The following CNTNAP4 variants were observed in gnomAD, a reference collection of about 807,000 sequenced individuals.
CNTNAP4 encodes contactin associated protein family member 4, also known as contactin-associated protein-like 4.
In CNTNAP4, 98 loss-of-function variants were observed where a neutral mutation model predicts 148.4. That is an observed-to-expected ratio of 0.66 (90% CI 0.56 to 0.78). The LOEUF (loss-of-function observed/expected upper bound fraction) is 0.78, where lower values mean the gene tolerates loss of function less well. Among genes scored for constraint, CNTNAP4 ranks in the 30% least tolerant of loss-of-function variants. CNTNAP4 has a pLI of 0.00. For synonymous variants in CNTNAP4, 730 were observed against 565.1 expected (o/e 1.29, Z -4.14); for missense variants, 1,935 against 1,565.6 (o/e 1.24, Z -3.98).
intron 12 of CNTNAP4, among the ~76,000 whole-genome samples, chr16:76,481,008 C>T (rs1044488435): frequency 6.6e-6 from 1 of 152,112 alleles, no homozygotes; most frequent in Non-Finnish European, 1.5e-5. Context: ...TACTGATTGG[C>T]TACGTAAAGC....
chr16:76,479,421 A>G lies in CNTNAP4; in HGVS notation c.1765A>G (p.Ile589Val), dbSNP rs1568338468. ...AATGATGATTTTTTTTCTTAAAGCT[A>G]TCTATGAGCAGTCATGTGAAGCCTA... ...GYRGATCHNS[I>V]YEQSCEAYKH... The change falls in exon 12 of 24, where the codon ATC (isoleucine) becomes GTC (valine). Residue 589 changes from isoleucine to valine, a missense_variant and splice_region_variant. By Grantham distance (29) the Ile-to-Val change is conservative (BLOSUM62 3). Transcript: ENST00000611870. The G allele has an allele frequency of 4.4e-6, 7 of 1,590,184 alleles. No individual in the cohort carries two copies. The highest frequency in any genetic ancestry group is 6.0e-6 in the Non-Finnish European group (7 of 1,169,426).
At position 76,452,689 on chromosome 16, in the gene CNTNAP4, G is replaced by C. The variant is rs780366753; in HGVS notation, c.1253G>C (p.Gly418Ala). The C allele has an allele frequency of 6.2e-7, 1 of 1,613,438 alleles. No homozygotes were observed. ...AGTGAACTTCAGCTGATTTCAGGGG[G>C]TATCCTCCTCTTTCTGAGTGATGGA... is the stretch of plus-strand genomic sequence containing the variant. ...LFSELQLISG[G>A]ILLFLSDGKL... is the part of the protein sequence containing the mutation. Residue 418 changes from glycine to alanine, a missense_variant, in exon 8 of 24, where the codon GGT becomes GCT. Physicochemically the swap from Gly to Ala is moderately conservative, Grantham distance 60. Transcript: ENST00000611870.
intron 3 of CNTNAP4, among the ~76,000 whole-genome samples, chr16:76,411,088 T>C (rs1404538989): frequency 6.6e-6 from 1 of 151,458 alleles, no homozygotes; most frequent in Non-Finnish European, 1.5e-5. Flanking sequence ...ATATATGGCT[T>C]CAGAGGCCGT....
chr16:76,314,803 C>T (rs192673502), intron 1 of CNTNAP4, among the ~76,000 whole-genome samples: 7 of 152,284 alleles, frequency 4.6e-5, no homozygotes, highest in African/African-American at 1.7e-4. Context: ...GACCACCTAT[C>T]CCCAAATTAG....
intron 1 of CNTNAP4, among the ~76,000 whole-genome samples, chr16:76,283,037 A>C (rs1190341654): frequency 6.6e-6 from 1 of 151,840 alleles, no homozygotes; most frequent in East Asian, 1.9e-4. Context: ...AGTCTCAAAG[A>C]GCTTAACTGA....
At chr16:76,548,117 G>T (rs2084811571) in intron 21 of CNTNAP4, among the ~76,000 whole-genome samples, 1 of 152,140 alleles carries the variant, frequency 6.6e-6, no homozygotes, top group Admixed American at 6.5e-5. Flanking sequence ...AGTAGGTTTG[G>T]TTGGCAAACA....
At chr16:76,294,168 C>T (rs545689525) in intron 1 of CNTNAP4, among the ~76,000 whole-genome samples, 9 of 152,164 alleles carry the variant, frequency 5.9e-5, no homozygotes, top group East Asian at 3.9e-4. Flanking sequence ...TGGTGAGGTA[C>T]GATGATAAAT....
intron 3 of CNTNAP4, among the ~76,000 whole-genome samples, chr16:76,424,641 C>A: frequency 6.6e-6 from 1 of 152,086 alleles, no homozygotes; most frequent in Non-Finnish European, 1.5e-5. Context: ...GGCCCGTAAT[C>A]CCAGCTACTT....
In CNTNAP4 at chr16:76,403,351, C is replaced by A. The variant is rs536543951; in HGVS notation, c.391-24101C>A. 5.2e-3 allele frequency among the ~76,000 whole-genome samples: 796 copies of A among 152,186 alleles called. 10 individuals carry two copies. Among genetic ancestry groups the A allele is most frequent in the African/African-American group, 0.019 (772 of 41,510 alleles). On this transcript the variant is annotated intron_variant, in intron 3 of 23. Transcript: ENST00000611870. Reference sequence around the variant, plus strand: ...CTCGTGATCCACCCACCTCGGCCTCCCAAAGGGCTGGGATTACAGGCTTGA... The same window carrying A: ...CTCGTGATCCACCCACCTCGGCCTCACAAAGGGCTGGGATTACAGGCTTGA...
intron 15 of CNTNAP4, among the ~76,000 whole-genome samples, chr16:76,514,729 A>C (rs906424372): frequency 9.1e-6 from 1 of 110,280 alleles, no homozygotes; most frequent in African/African-American, 2.6e-5. Context: ...TGAGGTTAAT[A>C]AATAGTTGAA....
In CNTNAP4 at chr16:76,553,362, C is replaced by G. The variant is rs1188787383; in HGVS notation, c.3522C>G (p.Ser1174Arg). The G allele has an allele frequency of 1.2e-6, 2 of 1,612,588 alleles. No individual in the cohort carries two copies. Among genetic ancestry groups the G allele is most frequent in the African/African-American group, 2.7e-5 (2 of 74,902 alleles). Residue 1174 changes from serine (S) to arginine (R), a missense_variant, in exon 22 of 24, where the codon AGC becomes AGG. Ser to Arg is a moderately radical substitution (Grantham distance 110, BLOSUM62 -1). Coordinates refer to ENST00000611870, the MANE Select transcript of CNTNAP4 (RefSeq NM_033401.5). ...FTGCLSAVQLSHVAPLKAALH... is the reference protein window; with the variant it reads ...FTGCLSAVQLRHVAPLKAALH... ...GCTGCCTCTCTGCAGTGCAGCTCAGCCACGTGGCCCCTCTGAAGGCAGCTC... is the reference window on the plus strand; with the variant it reads ...GCTGCCTCTCTGCAGTGCAGCTCAGGCACGTGGCCCCTCTGAAGGCAGCTC...
Position 76,498,572 on chromosome 16 carries a change from A to G in CNTNAP4, c.2243A>G (p.Asn748Ser), listed in dbSNP as rs1269323961. The change falls in exon 15 of 24, where the codon AAT becomes AGT. Residue 748 changes from asparagine to serine, a missense_variant. Asn to Ser is a conservative substitution (Grantham distance 46, BLOSUM62 1). Coordinates refer to ENST00000611870, the MANE Select transcript of CNTNAP4 (RefSeq NM_033401.5). ...TTGTTGCTATTGTTTTTTAGGACCA[A>G]TGACACTGGATTGCTTGCTTATAAA... ...NCDADRNEWT[N>S]DTGLLAYKEH... 3.7e-6 allele frequency: 6 copies of G among 1,610,046 alleles called. No individual in the cohort carries two copies. Among genetic ancestry groups the G allele is most frequent in the South Asian group, 1.1e-5 (1 of 89,900 alleles).
chr16:76,316,095 C>G (rs879626310), intron 1 of CNTNAP4: 1 of 416,802 alleles, frequency 2.4e-6, no homozygotes. Context: ...TTTTGGAAAC[C>G]TTAAGTATTT....
chr16:76,426,355 T>A (rs2079402620), intron 3 of CNTNAP4, among the ~76,000 whole-genome samples: 1 of 152,182 alleles, frequency 6.6e-6, no homozygotes, highest in South Asian at 2.1e-4. Context: ...ATGAGGTTGA[T>A]CTTATTTGTT....
chr16:76,465,893 A>G (rs1372805395), intron 9 of CNTNAP4, among the ~76,000 whole-genome samples: 2 of 152,202 alleles, frequency 1.3e-5, no homozygotes, highest in South Asian at 4.1e-4. Context: ...GCTGTCCTTT[A>G]CTTGCCATGT....
chr16:76,313,167 C>T (rs768209920), intron 1 of CNTNAP4, among the ~76,000 whole-genome samples: 2 of 152,092 alleles, frequency 1.3e-5, no homozygotes, highest in Non-Finnish European at 2.9e-5. Context: ...AGAGGTAGAA[C>T]AATATTGATT....
At chr16:76,355,250 T>C (rs2012424911) in intron 2 of CNTNAP4, 68 bp from the exon 3 acceptor site, 4 of 1,254,076 alleles carry the variant, frequency 3.2e-6, no homozygotes, top group East Asian at 2.6e-5. Context: ...CTGGCATTTC[T>C]TTACAAACAT....
At chr16:76,298,452 C>A (rs1959544455) in intron 1 of CNTNAP4, among the ~76,000 whole-genome samples, 1 of 151,304 alleles carries the variant, frequency 6.6e-6, no homozygotes, top group Admixed American at 6.6e-5. Context: ...TTTGGATTAC[C>A]CCATTCATTG....
intron 2 of CNTNAP4, among the ~76,000 whole-genome samples, chr16:76,321,657 C>T (rs926335799): frequency 4.0e-5 from 6 of 151,436 alleles, no homozygotes; most frequent in Non-Finnish European, 5.9e-5. Context: ...GGCGTGGTGG[C>T]GGGTCCCTGT....
Sources: allele counts gnomAD v4.1 joint callset (sites outside exome capture counted in the v4.1 genomes callset), GRCh38; gene constraint gnomAD v4.1.1; transcripts MANE v1.5; gene names NCBI Gene and HGNC (gene_info 2026-07-23, HGNC 2026-07-21).